VAV3: variants seen among roughly 807,000 people sequenced by gnomAD.
VAV3 encodes the protein guanine nucleotide exchange factor VAV3.
VAV3 carries 94 observed loss-of-function variants against 131.2 expected under a neutral mutation model. The ratio of observed to expected loss-of-function variants is 0.72; its 90% CI spans 0.61 to 0.85. VAV3 has a LOEUF of 0.85. Among genes scored for constraint, VAV3 ranks in the 40% least tolerant of loss-of-function variants. The pLI is 0.00. For synonymous variants in VAV3, 349 were observed against 342.0 expected, an observed-to-expected ratio of 1.02 and a Z score of -0.22; for missense variants, 939 against 1,002.7, an observed-to-expected ratio of 0.94 and a Z score of 0.86.
chr1:107,711,292 G>A (rs1201285533), intron 15 of VAV3, among the ~76,000 whole-genome samples: 1 of 152,168 alleles, frequency 6.6e-6, no homozygotes, highest in African/African-American at 2.4e-5. Context: ...ATCTCTGTCT[G>A]GAAAAATCTC....
intron 1 of VAV3, among the ~76,000 whole-genome samples, chr1:107,944,892 G>T (rs938283635): frequency 6.6e-6 from 1 of 152,128 alleles, no homozygotes; most frequent in Admixed American, 6.5e-5. Flanking sequence ...AGGAATGAGC[G>T]ACTGTGCCCA....
chr1:107,888,341 G>A (rs538009489), intron 1 of VAV3, among the ~76,000 whole-genome samples: 6 of 152,276 alleles, frequency 3.9e-5, no homozygotes, highest in East Asian at 1.9e-4. Flanking sequence ...AGCAAAACAC[G>A]TAGCGCTAGA....
chr1:107,803,222 T>C (rs2102308086), intron 2 of VAV3, among the ~76,000 whole-genome samples: 1 of 152,146 alleles, frequency 6.6e-6, no homozygotes. Flanking sequence ...TTGGGCCTTC[T>C]CTCTTTTTTG....
At chr1:107,692,865 G>A (rs529576407) in intron 17 of VAV3, among the ~76,000 whole-genome samples, 64 of 152,258 alleles carry the variant, frequency 4.2e-4, no homozygotes, top group Admixed American at 1.4e-3. Context: ...TACCAAAGTC[G>A]TTTGCTCCAA....
At chr1:107,745,463 T>C (rs776467289) in intron 15 of VAV3, among the ~76,000 whole-genome samples, 8 of 152,256 alleles carry the variant, frequency 5.3e-5, no homozygotes, top group Middle Eastern at 3.4e-3. Flanking sequence ...GCCTTTCCTA[T>C]GGAGGTCTGT....
intron 2 of VAV3, among the ~76,000 whole-genome samples, chr1:107,829,577 C>T (rs1668157641): frequency 6.6e-6 from 1 of 152,072 alleles, no homozygotes; most frequent in African/African-American, 2.4e-5. Flanking sequence ...TACAGTATTT[C>T]CTGTAAAATA....
At chr1:107,808,055 T>C (rs76257606) in intron 2 of VAV3, among the ~76,000 whole-genome samples, 23,006 of 152,172 alleles carry the variant, frequency 0.15, 2,013 homozygotes, top group East Asian at 0.29. Flanking sequence ...GGAATCCAAA[T>C]TCTTGCATAG....
At chr1:107,868,091 T>C (rs1401456237) in intron 2 of VAV3, among the ~76,000 whole-genome samples, 3 of 152,160 alleles carry the variant, frequency 2.0e-5, no homozygotes, top group African/African-American at 4.8e-5. Context: ...GAACCAGTCT[T>C]GTGCAATAGC....
chr1:107,636,351 G>A (rs1654930854), intron 20 of VAV3, among the ~76,000 whole-genome samples: 2 of 152,150 alleles, frequency 1.3e-5, no homozygotes, highest in African/African-American at 4.8e-5. Context: ...ATATTTCAAA[G>A]CTAATTAATG....
intron 19 of VAV3, among the ~76,000 whole-genome samples, chr1:107,671,803 T>TTTCAATATTAAGTA (rs1657818595): frequency 1.3e-5 from 2 of 152,078 alleles, no homozygotes; most frequent in Non-Finnish European, 2.9e-5. Flanking sequence ...AAACTGACTA[T>TTTCAATATTAAGTA]TTCAATATTA....
intron 11 of VAV3, among the ~76,000 whole-genome samples, chr1:107,756,775 G>C (rs1664123934): frequency 6.6e-6 from 1 of 152,022 alleles, no homozygotes; most frequent in South Asian, 2.1e-4. Context: ...TGAAGCCATA[G>C]CATCCACAAG....
intron 19 of VAV3, among the ~76,000 whole-genome samples, chr1:107,660,394 T>A (rs1185992978): frequency 6.6e-6 from 1 of 152,208 alleles, no homozygotes; most frequent in Non-Finnish European, 1.5e-5. Context: ...CTCCCTTGGC[T>A]TTGAAACAAG....
At chr1:107,825,608 A>G (rs898180926) in intron 2 of VAV3, among the ~76,000 whole-genome samples, 1 of 152,096 alleles carries the variant, frequency 6.6e-6, no homozygotes, top group Non-Finnish European at 1.5e-5. Flanking sequence ...ATTCTGTCAA[A>G]CTGGTCTACT....
intron 15 of VAV3, among the ~76,000 whole-genome samples, chr1:107,728,652 T>TATGTATATGTATA (rs1662026314): frequency 1.3e-5 from 2 of 149,828 alleles, no homozygotes; most frequent in South Asian, 2.1e-4. Flanking sequence ...TGTATATGTA[T>TATGTATATGTATA]TGTGTAAAAC....
chr1:107,589,156 T>C (rs979222754), intron 25 of VAV3, among the ~76,000 whole-genome samples: 2 of 152,156 alleles, frequency 1.3e-5, no homozygotes, highest in Admixed American at 6.5e-5. Flanking sequence ...GAGAAAAGTT[T>C]AAAATTAATA....
intron 1 of VAV3, among the ~76,000 whole-genome samples, chr1:107,947,412 G>A (rs1448092039): frequency 1.3e-5 from 2 of 152,118 alleles, no homozygotes; most frequent in Middle Eastern, 3.2e-3. Flanking sequence ...AAAGAACTGT[G>A]AGGAAAGCCC....
chr1:107,762,319 T>C (rs187013934), intron 9 of VAV3, among the ~76,000 whole-genome samples: 203 of 152,242 alleles, frequency 1.3e-3, no homozygotes, highest in Non-Finnish European at 2.5e-3. Context: ...GAATGATATA[T>C]TATGAGGAGC....
intron 25 of VAV3, among the ~76,000 whole-genome samples, chr1:107,587,920 G>A (rs1406269922): frequency 6.6e-6 from 1 of 152,108 alleles, no homozygotes. Context: ...TAGAACATGA[G>A]GTTATATGAG....
chr1:107,912,248 T>A (rs1004931102), intron 1 of VAV3, among the ~76,000 whole-genome samples: 8 of 152,188 alleles, frequency 5.3e-5, no homozygotes, highest in African/African-American at 1.9e-4. Flanking sequence ...AGAGAATCTA[T>A]CAGTTAAAAA....
Sources: allele counts gnomAD v4.1 joint callset (sites outside exome capture counted in the v4.1 genomes callset), GRCh38; gene constraint gnomAD v4.1.1; transcripts MANE v1.5; gene names NCBI Gene and HGNC (gene_info 2026-07-23, HGNC 2026-07-21).